PI16: variants seen among roughly 807,000 people sequenced by gnomAD.
The protein encoded by PI16 is PSP94-binding protein.
Under a neutral mutation model 38.0 loss-of-function variants are expected in PI16, and 35 were observed. That is an observed-to-expected ratio of 0.92 (90% CI 0.70 to 1.22). The LOEUF (loss-of-function observed/expected upper bound fraction) is 1.22. Among genes scored for constraint, PI16 ranks in the 50% most tolerant of loss-of-function variants. The pLI is 0.00. For missense variants in PI16, 572 were observed against 593.8 expected, an observed-to-expected ratio of 0.96 and a Z score of 0.38; for synonymous variants, 275 against 252.9, an observed-to-expected ratio of 1.09 and a Z score of -0.83.
chr6:36,952,343 C>T (rs1043236681), upstream of PI16, among the ~76,000 whole-genome samples: 3 of 152,086 alleles, frequency 2.0e-5, no homozygotes, highest in Non-Finnish European at 4.4e-5. Flanking sequence ...TGTTTTGTTG[C>T]CTATGCTTTT....
intron 2 of PI16, among the ~76,000 whole-genome samples, chr6:36,960,063 C>T (rs1333905282): frequency 6.6e-6 from 1 of 151,996 alleles, no homozygotes; most frequent in African/African-American, 2.4e-5. Context: ...GCAGATAGTC[C>T]CTTAACTTCT....
chr6:36,960,196 G>A (rs1323999251), intron 2 of PI16, among the ~76,000 whole-genome samples: 2 of 152,118 alleles, frequency 1.3e-5, no homozygotes, highest in African/African-American at 4.8e-5. Flanking sequence ...TATGCATAAC[G>A]ATGAAGAACA....
chr6:36,955,198 G>C (rs1763171121), intron 1 of PI16, among the ~76,000 whole-genome samples: 2 of 152,214 alleles, frequency 1.3e-5, no homozygotes, highest in Admixed American at 6.5e-5. Flanking sequence ...GAGGCTCAGA[G>C]GGATTTGTTG....
chr6:36,962,896 G>A lies in PI16; in HGVS notation c.593-39G>A. 1 of 1,546,298 alleles carries A rather than the reference G, an allele frequency of 6.5e-7. No individual in the cohort carries two copies. Among genetic ancestry groups the A allele is most frequent in the Non-Finnish European group, 8.8e-7 (1 of 1,139,706 alleles). ...AGTGCCATGAGAGATGTGGGGTCCTGCTTGCAGCACTCATGCCCGTTCTCG... is the reference window on the plus strand; with the variant it reads ...AGTGCCATGAGAGATGTGGGGTCCTACTTGCAGCACTCATGCCCGTTCTCG... On this transcript the variant is annotated intron_variant, in intron 4 of 6. Coordinates refer to ENST00000373674, the MANE Select transcript of PI16 (RefSeq NM_153370.3). The surrounding 1 kb of genome is among the most constrained non-coding windows in gnomAD (Gnocchi z 4.1).
In PI16 at chr6:36,959,154, G is replaced by A. The variant is rs749242578; in HGVS notation, c.181G>A (p.Glu61Lys). ...CTCACCTGCCCTGCAGAGATGGGAC[G>A]AGGAGCTGGCCGCCTTCGCCAAGGC... ...ASDMLHMRWD[E>K]ELAAFAKAYA... The change falls in exon 2 of 7, where the codon GAG becomes AAG. Residue 61 changes from glutamate (E) to lysine (K), a missense_variant. Physicochemically the swap from Glu to Lys is moderately conservative, Grantham distance 56 (BLOSUM62 1). Coordinates refer to ENST00000373674, the MANE Select transcript of PI16 (RefSeq NM_153370.3). 15 of 1,608,390 alleles carry A rather than the reference G, an allele frequency of 9.3e-6. No individual in the cohort carries two copies. The highest frequency in any genetic ancestry group is 9.3e-6 in the Non-Finnish European group (11 of 1,178,246).
Position 36,963,844 on chromosome 6 carries a change from C to A in PI16, c.1292C>A (p.Pro431His), listed in dbSNP as rs1485930885. 6.2e-7 allele frequency: 1 copy of A among 1,610,686 alleles called. No individual in the cohort carries two copies. Among genetic ancestry groups the A allele is most frequent in the Non-Finnish European group, 8.5e-7 (1 of 1,178,542 alleles). The change falls in exon 6 of 7, where the codon CCT (proline) becomes CAT (histidine). Residue 431 changes from proline to histidine, a missense_variant. Transcript: ENST00000373674. ...ACAGGTGCAGAGGGCCCTGACAAGC[C>A]TAGCGTCGTGTCAGGGCTGAACTCG... ...SLPGAEGPDK[P>H]SVVSGLNSGP...
rs1282676834 is a variant in PI16 at position 36,964,500 on chromosome 6, A to G, written c.*133A>G. 1 of 152,848 alleles carries G rather than the reference A, an allele frequency of 6.5e-6. No individual in the cohort carries two copies. Among genetic ancestry groups the G allele is most frequent in the Non-Finnish European group, 1.5e-5 (1 of 68,208 alleles). The allele number at this position is 152,848 out of a possible 1,614,324, so 9.5% of individuals were successfully genotyped here. A position where few individuals can be genotyped will look rare whatever the true frequency, so the allele number is the denominator to read the frequency against. On this transcript the variant is annotated 3_prime_UTR_variant, in exon 7 of 7. Coordinates refer to ENST00000373674, the MANE Select transcript of PI16 (RefSeq NM_153370.3). ...GGAAAGGCTACGGGGCATGTGCCTCATCACACCATCCATCCTGGAGGCACA... is the reference window on the plus strand; with the variant it reads ...GGAAAGGCTACGGGGCATGTGCCTCGTCACACCATCCATCCTGGAGGCACA...
At chr6:36,958,468 C>T (rs2150736160) in intron 1 of PI16, among the ~76,000 whole-genome samples, 1 of 152,286 alleles carries the variant, frequency 6.6e-6, no homozygotes, top group South Asian at 2.1e-4. Flanking sequence ...AGTGGGTTAC[C>T]AAGGCTCTGA....
chr6:36,963,238 C>T lies in PI16; in HGVS notation c.896C>T (p.Ser299Phe), dbSNP rs760187412. The T allele has an allele frequency of 1.2e-6, 2 of 1,614,114 alleles. No individual in the cohort carries two copies. The highest frequency in any genetic ancestry group is 1.7e-6 in the Non-Finnish European group (2 of 1,180,050). The change falls in exon 5 of 7, where the codon TCC becomes TTC. Residue 299 changes from serine (S) to phenylalanine (F), a missense_variant. Transcript: ENST00000373674. ...PSILAAHSLP[S>F]LDEEPVTFPK... ...ATTTTGGCAGCTCACAGCCTGCCCT[C>T]CTTGGATGAGGAGCCAGTTACCTTC...
chr6:36,960,101 G>T (rs1763319302), intron 2 of PI16, among the ~76,000 whole-genome samples: 1 of 152,070 alleles, frequency 6.6e-6, no homozygotes, highest in Non-Finnish European at 1.5e-5. Context: ...ATTTATTATG[G>T]TGTCTAATTT....
intron 2 of PI16, 36 bp downstream of exon 2, chr6:36,959,402 G>T (rs1478827076): frequency 2.0e-6 from 3 of 1,521,188 alleles, no homozygotes; most frequent in South Asian, 1.2e-5. Context: ...GCGGAGCCTC[G>T]CGGCGTGGGG....
At chr6:36,950,154 C>T (rs1320431103), upstream of PI16, among the ~76,000 whole-genome samples, 2 of 152,186 alleles carry the variant, frequency 1.3e-5, no homozygotes, top group Non-Finnish European at 2.9e-5. This position sits in a 1 kb window ranked among gnomAD's most constrained non-coding sequence, Gnocchi z 4.2. Context: ...GTTCCTCTTC[C>T]CAAACCAAAC....
chr6:36,964,129 G>A (rs576706977), intron 6 of PI16, among the ~76,000 whole-genome samples, 167 bp downstream of exon 6: 6 of 152,290 alleles, frequency 3.9e-5, no homozygotes, highest in Non-Finnish European at 4.4e-5. Flanking sequence ...CCTGGGAGGC[G>A]TCTACAGGGC....
At chr6:36,955,579 G>A (rs958920101) in intron 1 of PI16, among the ~76,000 whole-genome samples, 1 of 152,212 alleles carries the variant, frequency 6.6e-6, no homozygotes, top group African/African-American at 2.4e-5. Flanking sequence ...GTCAGAATTA[G>A]AGCTACGTAT....
chr6:36,958,804 G>A (rs545529564), intron 1 of PI16, among the ~76,000 whole-genome samples: 1 of 152,284 alleles, frequency 6.6e-6, no homozygotes, highest in South Asian at 2.1e-4. Context: ...TGGGAGGTAG[G>A]CAGGGGCATG....
intron 2 of PI16, 78 bp downstream of exon 2, chr6:36,959,444 C>T (rs1228803190): frequency 1.4e-6 from 2 of 1,392,874 alleles, no homozygotes; most frequent in African/African-American, 2.9e-5. Context: ...GCGGGGCCAC[C>T]TCTGCCTTCA....
rs1763159494 is a variant in PI16 at position 36,954,781 on chromosome 6, C to T, written c.21C>T (p.Phe7=). 2.5e-6 allele frequency: 4 copies of T among 1,613,584 alleles called. No homozygotes were observed. Among genetic ancestry groups the T allele is most frequent in the Non-Finnish European group, 3.4e-6 (4 of 1,179,890 alleles). MHGSCS[F]LMLLLPLLLL... is the part of the protein sequence containing the mutation. Reference sequence around the variant, plus strand: ...CCACCATGCACGGCTCCTGCAGTTTCCTGATGCTTCTGCTGCCGCTACTGC... The same window carrying T: ...CCACCATGCACGGCTCCTGCAGTTTTCTGATGCTTCTGCTGCCGCTACTGC... Residue 7 remains phenylalanine, a synonymous_variant, in exon 1 of 7, where the codon TTC becomes TTT. Coordinates refer to ENST00000373674, the MANE Select transcript of PI16 (RefSeq NM_153370.3).
chr6:36,961,646 G>C, intron 3 of PI16, 86 bp downstream of exon 3: 1 of 1,232,612 alleles, frequency 8.1e-7, no homozygotes, highest in Non-Finnish European at 1.2e-6. Context: ...ACAGCCTGAG[G>C]GAGTGGGAGG....
intron 2 of PI16, 21 bp from the exon 3 acceptor site, chr6:36,961,430 G>T: frequency 1.9e-6 from 3 of 1,608,798 alleles, no homozygotes; most frequent in Non-Finnish European, 2.6e-6. Flanking sequence ...GGGCTGAGCT[G>T]CTAGGTTTGC....
Sources: gnomAD v4.1 joint callset for allele counts (sites outside exome capture counted in the v4.1 genomes callset) on GRCh38, gnomAD v4.1.1 for gene constraint, Gnocchi (gnomAD v3.1) non-coding constraint, MANE v1.5 for transcripts, NCBI Gene and HGNC (gene_info 2026-07-23, HGNC 2026-07-21) for gene names.